HEXB: variants seen among roughly 807,000 people sequenced by gnomAD.
HEXB encodes the protein hexosaminidase subunit beta.
HEXB carries 51 observed loss-of-function variants against 71.2 expected under a neutral mutation model. That is an observed-to-expected ratio of 0.72 (90% confidence interval 0.57 to 0.90). The LOEUF is 0.90. Ranked by LOEUF, HEXB falls within the 40% of genes least tolerant of loss-of-function variation. The probability of loss-of-function intolerance (pLI) is 0.00; values close to 1 mark genes in which losing one functional copy is unlikely to be tolerated. For missense variants in HEXB, 617 were observed against 677.0 expected (o/e 0.91, Z 0.98); for synonymous variants, 266 against 249.3 (o/e 1.07, Z -0.63).
intron 1 of HEXB, among the ~76,000 whole-genome samples, chr5:74,642,207 C>A (rs1314889833): frequency 6.6e-6 from 1 of 152,202 alleles, no homozygotes; most frequent in East Asian, 1.9e-4. Context: ...AAGACAGTGC[C>A]CTCTGAAGTC....
intron 1 of HEXB, among the ~76,000 whole-genome samples, chr5:74,687,214 A>G (rs1253184226): frequency 2.0e-5 from 3 of 152,224 alleles, no homozygotes; most frequent in African/African-American, 7.2e-5. Context: ...TGAGCATTCT[A>G]GGAACTCAGA....
intron 5 of HEXB, among the ~76,000 whole-genome samples, chr5:74,704,851 G>C (rs1463641907): frequency 1.3e-5 from 2 of 152,138 alleles, no homozygotes; most frequent in Non-Finnish European, 2.9e-5. Context: ...CAGCAATTTG[G>C]GAGGCCAAGG....
At chr5:74,678,333 A>AAAT (rs1748674272) in intron 1 of HEXB, among the ~76,000 whole-genome samples, 2 of 150,420 alleles carry the variant, frequency 1.3e-5, no homozygotes, top group Admixed American at 6.6e-5. Flanking sequence ...ATAAATAAAT[A>AAAT]AATAAATACC....
At chr5:74,712,435 AT>A (rs201745123) in intron 6 of HEXB, among the ~76,000 whole-genome samples, 27,942 of 151,760 alleles carry the variant, frequency 0.18, 3,468 homozygotes, top group African/African-American at 0.36. Flanking sequence ...TATGATAATA[AT>A]AAAAAAAAGA....
At chr5:74,663,734 A>G (rs1748375562) in intron 1 of HEXB, among the ~76,000 whole-genome samples, 1 of 152,260 alleles carries the variant, frequency 6.6e-6, no homozygotes, top group Non-Finnish European at 1.5e-5. Context: ...AAGGGGAAAG[A>G]AATTAGTGAA....
intron 1 of HEXB, among the ~76,000 whole-genome samples, chr5:74,646,319 C>G (rs566695862): frequency 6.6e-6 from 1 of 152,222 alleles, no homozygotes; most frequent in Admixed American, 6.5e-5. Context: ...TTATCAAACT[C>G]TTATTTCCAC....
intron 1 of HEXB, among the ~76,000 whole-genome samples, chr5:74,655,007 G>GACA (rs1561202394): frequency 6.6e-6 from 1 of 152,104 alleles, no homozygotes; most frequent in African/African-American, 2.4e-5. Context: ...ACCTGCGGAC[G>GACA]GATCTGGATC....
At chr5:74,661,180 C>T (rs576125495) in intron 1 of HEXB, among the ~76,000 whole-genome samples, 1 of 152,328 alleles carries the variant, frequency 6.6e-6, no homozygotes, top group African/African-American at 2.4e-5. Context: ...TAGCACAGGC[C>T]AGTTGCTTCT....
upstream of HEXB, among the ~76,000 whole-genome samples, chr5:74,682,006 C>T (rs1347379676): frequency 1.3e-5 from 2 of 152,232 alleles, no homozygotes; most frequent in African/African-American, 2.4e-5. Context: ...AGGCTTTCAG[C>T]CAGTTGCCAG....
At chr5:74,642,601 C>T (rs1290930457) in intron 1 of HEXB, among the ~76,000 whole-genome samples, 1 of 152,030 alleles carries the variant, frequency 6.6e-6, no homozygotes, top group Non-Finnish European at 1.5e-5. Context: ...TGTCTGCTTC[C>T]TTTGTGAGTC....
intron 11 of HEXB, 64 bp from the exon 12 acceptor site, chr5:74,720,364 A>T: frequency 8.4e-7 from 1 of 1,189,654 alleles, no homozygotes; most frequent in Non-Finnish European, 1.3e-6. Context: ...ACAAATCTTG[A>T]TGAAATATTG....
rs1277387277 is a variant in HEXB, at chr5:74,720,508, C to G, written c.1498C>G (p.Pro500Ala). The G allele has an allele frequency of 6.2e-7, 1 of 1,611,630 alleles. No individual in the cohort carries two copies. Among genetic ancestry groups the G allele is most frequent in the African/African-American group, 1.3e-5 (1 of 74,852 alleles). ...ATATGTGGATGCAACTAACCTCACT[C>G]CAAGATTATGGTATGGGATTTACCT... is the stretch of plus-strand genomic sequence containing the variant. ...GEYVDATNLT[P>A]RLWPRASAVG... Residue 500 changes from proline (P) to alanine (A), a missense_variant, in exon 12 of 14, where the codon CCA becomes GCA. Physicochemically the swap from Pro to Ala is conservative, Grantham distance 27. Transcript: ENST00000261416.
intron 6 of HEXB, among the ~76,000 whole-genome samples, chr5:74,710,542 T>C (rs1749515033): frequency 6.6e-6 from 1 of 152,102 alleles, no homozygotes; most frequent in Admixed American, 6.6e-5. Flanking sequence ...GAAAACCCCA[T>C]TGTCTCAGCC....
Position 74,720,636 on chromosome 5 carries a change from A to G in HEXB, c.1509-7A>G. ...GCTTGCGGGGGGATGTGTGATTTAAATTTTAGGCCTCGGGCAAGTGCTGTT... is the reference window on the plus strand; with the variant it reads ...GCTTGCGGGGGGATGTGTGATTTAAGTTTTAGGCCTCGGGCAAGTGCTGTT... On this transcript the variant is annotated splice_polypyrimidine_tract_variant and splice_region_variant and intron_variant, in intron 12 of 13. Transcript: ENST00000261416. The G allele has an allele frequency of 6.2e-7, 1 of 1,613,812 alleles. No individual in the cohort carries two copies. The highest frequency in any genetic ancestry group is 8.5e-7 in the Non-Finnish European group (1 of 1,179,708).
intron 6 of HEXB, among the ~76,000 whole-genome samples, chr5:74,712,000 T>C (rs1314111658): frequency 6.7e-6 from 1 of 148,152 alleles, no homozygotes; most frequent in East Asian, 2.0e-4. Flanking sequence ...ATTGTGGCAC[T>C]ATTCACAATA....
At chr5:74,686,465 G>C (rs1281912118) in intron 1 of HEXB, among the ~76,000 whole-genome samples, 1 of 152,236 alleles carries the variant, frequency 6.6e-6, no homozygotes, top group African/African-American at 2.4e-5. Context: ...GCTGTACCCA[G>C]TGGATACTAT....
At chr5:74,692,872 A>T (rs1039978234) in intron 2 of HEXB, among the ~76,000 whole-genome samples, 1 of 152,170 alleles carries the variant, frequency 6.6e-6, no homozygotes, top group Non-Finnish European at 1.5e-5. Flanking sequence ...TCCACTCCAG[A>T]CCTCTCTAAA....
chr5:74,685,134 G>C, upstream of HEXB: 1 of 990,652 alleles, frequency 1.0e-6, no homozygotes, highest in Non-Finnish European at 1.4e-6. Context: ...GGAGTCGGGG[G>C]CGGGCGCGCG....
At chr5:74,692,399 A>G (rs1259312748) in intron 2 of HEXB, among the ~76,000 whole-genome samples, 15 of 151,764 alleles carry the variant, frequency 9.9e-5, no homozygotes, top group Admixed American at 9.2e-4. Context: ...CTACAGTCCC[A>G]GCTACTTGGG....
Sources: gnomAD v4.1 joint callset for allele counts (sites outside exome capture counted in the v4.1 genomes callset) on GRCh38, gnomAD v4.1.1 for gene constraint, MANE v1.5 for transcripts, NCBI Gene and HGNC (gene_info 2026-07-23, HGNC 2026-07-21) for gene names.